Variants in COPZ1 observed in about 807,000 individuals in gnomAD.
The protein encoded by COPZ1 is coatomer subunit zeta-1.
In COPZ1, 4 loss-of-function variants were observed where a neutral mutation model predicts 31.7. The ratio of observed to expected loss-of-function variants is 0.13; its 90% CI spans 0.06 to 0.29. The LOEUF is 0.29. Ranked by LOEUF, COPZ1 falls within the 10% of genes least tolerant of loss-of-function variation. The probability of loss-of-function intolerance (pLI) is 1.00; values close to 1 mark genes in which losing one functional copy is unlikely to be tolerated. For synonymous variants in COPZ1, 74 were observed against 79.0 expected (o/e 0.94, Z 0.33); for missense variants, 156 against 211.5 (o/e 0.74, Z 1.63).
chr12:54,330,493 T>C (rs937936491), intron 1 of COPZ1, among the ~76,000 whole-genome samples: 2 of 152,072 alleles, frequency 1.3e-5, no homozygotes, highest in Non-Finnish European at 1.5e-5. Context: ...TTCACAGTGG[T>C]GGGAAAGAGT....
chr12:54,329,012 T>G (rs905339156), intron 1 of COPZ1, among the ~76,000 whole-genome samples: 2 of 152,192 alleles, frequency 1.3e-5, no homozygotes, highest in African/African-American at 4.8e-5. Flanking sequence ...TTTCTTGAAT[T>G]AAGTAATCCA....
At chr12:54,326,922 G>T (rs1368246447) in intron 1 of COPZ1, among the ~76,000 whole-genome samples, 1 of 100,930 alleles carries the variant, frequency 9.9e-6, no homozygotes, top group African/African-American at 3.9e-5. Context: ...AATCTGAGTA[G>T]TTTTAAATAT....
At chr12:54,343,106 C>T in intron 3 of COPZ1, 119 bp from the exon 4 acceptor site, 2 of 781,550 alleles carry the variant, frequency 2.6e-6, no homozygotes, top group South Asian at 3.0e-5. Context: ...ATCCGCCAGG[C>T]TCGGCTTCCC....
intron 1 of COPZ1, among the ~76,000 whole-genome samples, chr12:54,336,644 C>T (rs914959164): frequency 8.6e-5 from 13 of 151,540 alleles, no homozygotes; most frequent in African/African-American, 3.2e-4. Flanking sequence ...GGGGGCAGCA[C>T]TAGGAATGAC....
chr12:54,335,852 T>A (rs1033100195), intron 1 of COPZ1, among the ~76,000 whole-genome samples: 2 of 151,874 alleles, frequency 1.3e-5, no homozygotes, highest in Non-Finnish European at 1.5e-5. Flanking sequence ...TTGTTTTTTT[T>A]AAGTTCTTGC....
chr12:54,336,585 C>T (rs1953869788), intron 1 of COPZ1, among the ~76,000 whole-genome samples: 1 of 151,736 alleles, frequency 6.6e-6, no homozygotes, highest in Non-Finnish European at 1.5e-5. Context: ...AATATTTTTG[C>T]TTATGACTGT....
chr12:54,337,401 C>T (rs1592202930), intron 1 of COPZ1: 1 of 462,616 alleles, frequency 2.2e-6, no homozygotes, highest in East Asian at 5.9e-5. Context: ...TCTTTCTCAA[C>T]AGTCAGCATT....
At chr12:54,333,793 C>G (rs1953803182) in intron 1 of COPZ1, among the ~76,000 whole-genome samples, 1 of 152,158 alleles carries the variant, frequency 6.6e-6, no homozygotes, top group Non-Finnish European at 1.5e-5. Context: ...GGTGTCTCTT[C>G]CTGCCGTCAG....
intron 1 of COPZ1, among the ~76,000 whole-genome samples, chr12:54,331,436 C>T (rs1048581766): frequency 1.3e-5 from 2 of 152,108 alleles, no homozygotes; most frequent in East Asian, 1.9e-4. Context: ...GCCTTGGCCT[C>T]CCAAAGTGCT....
chr12:54,334,025 G>A (rs113872962), intron 1 of COPZ1, among the ~76,000 whole-genome samples: 35 of 152,180 alleles, frequency 2.3e-4, no homozygotes, highest in African/African-American at 7.9e-4. Flanking sequence ...GAGCCTGGGA[G>A]GTTGAGGCTG....
chr12:54,336,999 G>T, intron 1 of COPZ1, among the ~76,000 whole-genome samples: 1 of 131,740 alleles, frequency 7.6e-6, no homozygotes, highest in Admixed American at 8.9e-5. Flanking sequence ...TCCAGCCTGG[G>T]TGACAGAGAG....
chr12:54,329,833 A>G (rs1333849951), intron 1 of COPZ1, among the ~76,000 whole-genome samples: 1 of 152,198 alleles, frequency 6.6e-6, no homozygotes, highest in African/African-American at 2.4e-5. Context: ...GGAGGAAACT[A>G]TGCAGAATAT....
chr12:54,334,188 G>A (rs1160941721), intron 1 of COPZ1, among the ~76,000 whole-genome samples: 2 of 151,900 alleles, frequency 1.3e-5, no homozygotes, highest in East Asian at 2.0e-4. Context: ...GAGGTCAGGA[G>A]TTCGAGACCA....
intron 1 of COPZ1, among the ~76,000 whole-genome samples, chr12:54,330,829 A>G (rs1953736744): frequency 6.6e-6 from 1 of 152,226 alleles, no homozygotes; most frequent in Admixed American, 6.5e-5. Context: ...AAGAATCAGT[A>G]CCTATGTACC....
At position 54,350,771 on chromosome 12, in the gene COPZ1, C is replaced by G; in HGVS notation, c.*248C>G. 5.3e-6 allele frequency: 3 copies of G among 565,074 alleles called. No individual in the cohort carries two copies. The highest frequency in any genetic ancestry group is 1.9e-5 in the African/African-American group (1 of 53,450). The allele number at this position is 565,074 out of a possible 1,614,324, so 35.0% of individuals were successfully genotyped here. ...GATAATAGGGCAGGGGAAGCACCCT[C>G]TTTCTTTCTAGACTGGATTATGCTC... On this transcript the variant is annotated 3_prime_UTR_variant, in exon 9 of 9. Transcript: ENST00000262061.
rs1954090450 is a variant in COPZ1, at chr12:54,347,825, G to T, written c.376G>T (p.Asp126Tyr). ...ENMEGLFLAV[D>Y]EIVDGGVILE... The stretch of plus-strand genomic sequence containing the variant: ...CATGGAGGGGCTGTTCTTGGCTGTG[G>T]ATGAAATTGTAGATGGAGGGTAAGT... The change falls in exon 6 of 9, where the codon GAT becomes TAT. Residue 126 changes from aspartate (D) to tyrosine (Y), a missense_variant. Asp to Tyr is a radical substitution (Grantham distance 160). Transcript: ENST00000262061. 2.5e-6 allele frequency: 4 copies of T among 1,612,224 alleles called. No homozygotes were observed. In the African/African-American group the frequency reaches 4.0e-5, roughly 16 times the overall value.
chr12:54,338,653 A>C (rs1953915048), intron 1 of COPZ1, among the ~76,000 whole-genome samples: 1 of 152,224 alleles, frequency 6.6e-6, no homozygotes. Context: ...AAGGTATTTT[A>C]ACTTTATTCT....
chr12:54,345,543 TC>T, intron 5 of COPZ1, 28 bp downstream of exon 5: 2 of 1,571,202 alleles, frequency 1.3e-6, no homozygotes, highest in Admixed American at 3.3e-5. Context: ...TTTTTTCCCC[TC>T]AAGTTATGAT....
chr12:54,331,646 G>T (rs1474641176), intron 1 of COPZ1, among the ~76,000 whole-genome samples: 2 of 152,130 alleles, frequency 1.3e-5, no homozygotes, highest in Non-Finnish European at 2.9e-5. Context: ...GGCATAAATA[G>T]ACTGAAAGAT....
Sources: allele counts gnomAD v4.1 joint callset (sites outside exome capture counted in the v4.1 genomes callset), GRCh38; gene constraint gnomAD v4.1.1; transcripts MANE v1.5; gene names NCBI Gene and HGNC (gene_info 2026-07-23, HGNC 2026-07-21).